CEP85L: variants seen among roughly 807,000 people sequenced by gnomAD.
CEP85L encodes the protein centrosomal protein 85L, also known as centrosomal protein of 85 kDa-like.
In CEP85L, 60 loss-of-function variants were observed where a neutral mutation model predicts 100.3. That is an observed-to-expected ratio of 0.60 (90% CI 0.49 to 0.74). The LOEUF (loss-of-function observed/expected upper bound fraction) is 0.74, where lower values mean the gene tolerates loss of function less well. CEP85L is among the 30% of genes least tolerant of loss of function. The probability of loss-of-function intolerance (pLI) is 0.00; values close to 1 mark genes in which losing one functional copy is unlikely to be tolerated. For missense variants in CEP85L, 973 were observed against 936.2 expected (o/e 1.04, Z -0.51); for synonymous variants, 319 against 322.7 (o/e 0.99, Z 0.12).
At chr6:118,560,015 C>G (rs1010752822) in intron 3 of CEP85L, 7 of 167,032 alleles carry the variant, frequency 4.2e-5, no homozygotes, top group African/African-American at 1.4e-4. Flanking sequence ...CCATTCCAGC[C>G]TAACATCCAA....
chr6:118,474,779 A>G (rs1429318978), intron 10 of CEP85L, among the ~76,000 whole-genome samples: 18 of 152,234 alleles, frequency 1.2e-4, no homozygotes, highest in Non-Finnish European at 2.2e-4. Context: ...TTCATTTGCA[A>G]CAGTGTGATG....
chr6:118,652,647 A>G, upstream of CEP85L: 4 of 1,527,412 alleles, frequency 2.6e-6, no homozygotes, highest in Non-Finnish European at 8.8e-7. Context: ...GGGAAATACT[A>G]CTTAAAATTC....
rs888106002 is a variant in CEP85L, at chr6:118,651,500, G to A, written c.-231C>T. ...AGCCGGCTGGGCTGAGGCCCGCGCC[G>A]GGGAAGCGGCGACTCGGCGGTGACG... On this transcript the variant is annotated 5_prime_UTR_variant, in exon 1 of 13. Coordinates refer to ENST00000368491, the MANE Select transcript of CEP85L (RefSeq NM_001042475.3). The A allele has an allele frequency of 7.9e-7, 1 of 1,269,156 alleles. No individual in the cohort carries two copies. Among genetic ancestry groups the A allele is most frequent in the South Asian group, 2.7e-5 (1 of 37,332 alleles). The allele number at this position is 1,269,156 out of a possible 1,614,324, so 78.6% of individuals were successfully genotyped here.
intron 1 of CEP85L, among the ~76,000 whole-genome samples, chr6:118,686,800 C>G (rs569786985): frequency 1.3e-5 from 2 of 152,224 alleles, no homozygotes; most frequent in Admixed American, 1.3e-4. Flanking sequence ...TTCTAGGATC[C>G]AAAACTTCAC....
intron 3 of CEP85L, among the ~76,000 whole-genome samples, chr6:118,542,936 A>T (rs1346841646): frequency 1.3e-5 from 2 of 150,158 alleles, no homozygotes; most frequent in African/African-American, 4.9e-5. Flanking sequence ...GGATATTCAC[A>T]GCAACCAATC....
intron 1 of CEP85L, among the ~76,000 whole-genome samples, chr6:118,645,487 C>G (rs1299321497): frequency 6.6e-6 from 1 of 152,170 alleles, no homozygotes; most frequent in Admixed American, 6.5e-5. Flanking sequence ...GCCTGGGTAA[C>G]AGTGAGACCT....
chr6:118,519,739 C>A (rs747105763), intron 4 of CEP85L, among the ~76,000 whole-genome samples: 17 of 151,916 alleles, frequency 1.1e-4, no homozygotes, highest in African/African-American at 2.9e-4. Context: ...GGAGTCTTCA[C>A]TGAAGAATTC....
chr6:118,500,348 C>T (rs9481817), intron 5 of CEP85L, among the ~76,000 whole-genome samples: 1,934 of 122,458 alleles, frequency 0.016, 42 homozygotes, highest in African/African-American at 0.054. Context: ...TTATCATGAA[C>T]GCAGGACGTG....
chr6:118,612,736 A>G (rs1198093508), intron 2 of CEP85L, among the ~76,000 whole-genome samples: 1 of 151,414 alleles, frequency 6.6e-6, no homozygotes, highest in African/African-American at 2.4e-5. Flanking sequence ...GAACCTAGAA[A>G]AAAAGAAGAG....
Position 118,600,298 on chromosome 6 carries a change from GGGGTGTGTGTGTGTGTGTGTGTGT to G in CEP85L, c.232+32131_232+32154del, listed in dbSNP as rs1781675540. Reference sequence around the variant, plus strand: ...TACTGCCTGTCCCTGAGCCTTCCTGGGGGTGTGTGTGTGTGTGTGTGTGTGTGTGTGTGTGTGTGTGTGTGTGTG... The same window carrying G: ...TACTGCCTGTCCCTGAGCCTTCCTGGGTGTGTGTGTGTGTGTGTGTGTGTG... On this transcript the variant is annotated intron_variant, in intron 2 of 12. Coordinates refer to ENST00000368491, the MANE Select transcript of CEP85L (RefSeq NM_001042475.3). Among the ~76,000 whole-genome samples, 16 of 59,198 alleles carry G rather than the reference GGGGTGTGTGTGTGTGTGTGTGTGT, an allele frequency of 2.7e-4. 1 individual carries two copies. The highest frequency in any genetic ancestry group is 6.1e-4 in the Admixed American group (4 of 6,530). The allele number at this position is 59,198 out of a possible 152,430, so 38.8% of individuals were successfully genotyped here.
At chr6:118,480,051 G>C in intron 9 of CEP85L, 130 bp from the exon 10 acceptor site, 1 of 587,774 alleles carries the variant, frequency 1.7e-6, no homozygotes, top group South Asian at 2.3e-5. Flanking sequence ...AAAACTGAAA[G>C]TATCCTTATG....
chr6:118,527,832 C>T (rs1274281285), intron 3 of CEP85L, among the ~76,000 whole-genome samples: 3 of 152,030 alleles, frequency 2.0e-5, no homozygotes, highest in Admixed American at 6.6e-5. Context: ...CTGAGTTATA[C>T]ATTATTTAAA....
At chr6:118,709,423 C>T (rs533604095) in intron 1 of CEP85L, among the ~76,000 whole-genome samples, 4 of 152,158 alleles carry the variant, frequency 2.6e-5, no homozygotes, top group South Asian at 2.1e-4. Flanking sequence ...TCAGCGCATG[C>T]GGCTCCCCAC....
intron 2 of CEP85L, among the ~76,000 whole-genome samples, chr6:118,586,471 T>C (rs1365296738): frequency 6.6e-6 from 1 of 152,034 alleles, no homozygotes; most frequent in African/African-American, 2.4e-5. Flanking sequence ...GATCCTCCTC[T>C]CTCTCTCCCT....
chr6:118,469,995 G>C (rs867096529), intron 11 of CEP85L, among the ~76,000 whole-genome samples: 1 of 152,224 alleles, frequency 6.6e-6, no homozygotes, highest in Middle Eastern at 3.4e-3. Context: ...ATTGTTAGTA[G>C]CAATAGTGGT....
intron 1 of CEP85L, among the ~76,000 whole-genome samples, chr6:118,704,377 G>A (rs1460788169): frequency 6.6e-6 from 1 of 152,190 alleles, no homozygotes; most frequent in Non-Finnish European, 1.5e-5. Context: ...GGACTCAACA[G>A]ACTGGTGGCC....
At chr6:118,654,325 G>A (rs1166360749), upstream of CEP85L, among the ~76,000 whole-genome samples, 3 of 151,838 alleles carry the variant, frequency 2.0e-5, no homozygotes, top group African/African-American at 7.3e-5. Context: ...CATAATATGA[G>A]GAAAGCTCAA....
intron 1 of CEP85L, among the ~76,000 whole-genome samples, chr6:118,679,876 T>C (rs1776595578): frequency 6.6e-6 from 1 of 152,010 alleles, no homozygotes; most frequent in African/African-American, 2.4e-5. Flanking sequence ...TTTTCATCCT[T>C]GCAGAAAAAG....
intron 3 of CEP85L, among the ~76,000 whole-genome samples, chr6:118,524,801 G>A (rs1384987619): frequency 1.3e-5 from 2 of 152,234 alleles, no homozygotes; most frequent in Non-Finnish European, 2.9e-5. Context: ...CTTCTGTGCA[G>A]ATGAGGAAAC....
Sources: gnomAD v4.1 joint callset for allele counts (sites outside exome capture counted in the v4.1 genomes callset) on GRCh38, gnomAD v4.1.1 for gene constraint, MANE v1.5 for transcripts, NCBI Gene and HGNC (gene_info 2026-07-23, HGNC 2026-07-21) for gene names.